Variants in PCDHGB6 observed in about 807,000 individuals in gnomAD.
PCDHGB6 encodes the protein protocadherin gamma-B6.
A neutral mutation model predicts 59.1 loss-of-function variants in PCDHGB6; 51 were observed. That is an observed-to-expected ratio of 0.86 (90% CI 0.69 to 1.09). The LOEUF is 1.09. PCDHGB6 is among the 50% of genes least tolerant of loss of function. PCDHGB6 has a pLI of 0.00. For synonymous variants in PCDHGB6, 466 were observed against 495.1 expected (o/e 0.94, Z 0.78); for missense variants, 1,148 against 1,205.1 (o/e 0.95, Z 0.70).
chr5:141,418,477 C>G (rs2154547707), intron 1 of PCDHGB6: 1 of 1,614,016 alleles, frequency 6.2e-7, no homozygotes, highest in Non-Finnish European at 8.5e-7. Context: ...AAACGCAGAG[C>G]GCTCACCACT....
At chr5:141,422,592 C>T (rs2096658264) in intron 1 of PCDHGB6, 1 of 1,614,090 alleles carries the variant, frequency 6.2e-7, no homozygotes. Flanking sequence ...TTTTTCCTCA[C>T]TCCTCTTACT....
rs1031624761 is a variant in PCDHGB6 at position 141,433,138 on chromosome 5, G to A, written c.2418+22518G>A. The A allele has an allele frequency of 2.5e-6, 4 of 1,614,038 alleles. No individual in the cohort carries two copies. In the Admixed American group the frequency reaches 6.7e-5, roughly 27 times the overall value. On this transcript the variant is annotated intron_variant, in intron 1 of 3. Coordinates refer to ENST00000520790, the MANE Select transcript of PCDHGB6 (RefSeq NM_018926.3). ...TTGAAAAAAGCGAGCCCCTTTTGCT[G>A]TCAGGTGATTCGGTATTTTCTAAAG...
chr5:141,439,117 C>T (rs1219829519), intron 1 of PCDHGB6, among the ~76,000 whole-genome samples: 6 of 150,696 alleles, frequency 4.0e-5, no homozygotes, highest in African/African-American at 7.3e-5. Context: ...CACTTGAACC[C>T]GGGAGACAGA....
intron 1 of PCDHGB6, among the ~76,000 whole-genome samples, chr5:141,425,769 A>C (rs1355689852): frequency 6.6e-6 from 1 of 152,256 alleles, no homozygotes; most frequent in Non-Finnish European, 1.5e-5. Flanking sequence ...ACAGGAGAGA[A>C]GACTTTGCCT....
At chr5:141,415,560 GT>G in intron 1 of PCDHGB6, 1 of 1,613,936 alleles carries the variant, frequency 6.2e-7, no homozygotes, top group Non-Finnish European at 8.5e-7. Flanking sequence ...ACGATCCTTT[GT>G]CTTTGTTAGA....
chr5:141,449,588 CAA>C (rs768743917), intron 1 of PCDHGB6, among the ~76,000 whole-genome samples: 5 of 57,502 alleles, frequency 8.7e-5, no homozygotes, highest in Admixed American at 1.8e-4. Flanking sequence ...GACTCTGTCT[CAA>C]AAAAAAAAAA....
chr5:141,422,253 T>C (rs917280432), intron 1 of PCDHGB6: 58 of 1,566,438 alleles, frequency 3.7e-5, no homozygotes, highest in Non-Finnish European at 5.0e-5. Context: ...TGGATGTGAA[T>C]GATAACGCTC....
chr5:141,448,145 A>G (rs2098568457), intron 1 of PCDHGB6, among the ~76,000 whole-genome samples: 1 of 151,716 alleles, frequency 6.6e-6, no homozygotes, highest in South Asian at 2.1e-4. Flanking sequence ...TATACCTCAG[A>G]CTCACCCCTG....
At chr5:141,447,719 C>T (rs1333017511) in intron 1 of PCDHGB6, among the ~76,000 whole-genome samples, 2 of 152,226 alleles carry the variant, frequency 1.3e-5, no homozygotes, top group East Asian at 3.9e-4. Context: ...TACACATTTT[C>T]CAAAACTCAT....
chr5:141,487,608 G>A lies in PCDHGB6; in HGVS notation c.2419-7199G>A, dbSNP rs970411391. On this transcript the variant is annotated intron_variant, in intron 1 of 3. Coordinates refer to ENST00000520790, the MANE Select transcript of PCDHGB6 (RefSeq NM_018926.3). The surrounding 1 kb of genome is among the most constrained non-coding windows in gnomAD (Gnocchi z 5.0). ...TGCCCACCCTCTGATCTTCTCTATG[G>A]GCTAGAGGTGAGACCTTTGCAGGCT... 1 of 1,614,182 alleles carries A rather than the reference G, an allele frequency of 6.2e-7. No individual in the cohort carries two copies. Among genetic ancestry groups the A allele is most frequent in the African/African-American group, 1.3e-5 (1 of 75,050 alleles).
At chr5:141,481,747 T>A (rs1319673737) in intron 1 of PCDHGB6, among the ~76,000 whole-genome samples, 3 of 151,684 alleles carry the variant, frequency 2.0e-5, no homozygotes, top group African/African-American at 7.3e-5. Flanking sequence ...AGGTCAGGAG[T>A]CCAAGACCAG....
rs2099619316 is a variant in PCDHGB6, at chr5:141,485,794, C to A, written c.2419-9013C>A. The A allele has an allele frequency of 6.2e-7, 1 of 1,614,120 alleles. No homozygotes were observed. The highest frequency in any genetic ancestry group is 1.1e-5 in the South Asian group (1 of 91,092). On this transcript the variant is annotated intron_variant, in intron 1 of 3. Transcript: ENST00000520790. This position sits in a 1 kb window ranked among gnomAD's most constrained non-coding sequence, Gnocchi z 5.7. ...CTTTGGATCGAGAGAAGCAATCGGA[C>A]TACCGCCTGGTGCTGACTGCTGTCG...
At position 141,487,769 on chromosome 5, in the gene PCDHGB6, T is replaced by C. The variant is rs775270506; in HGVS notation, c.2419-7038T>C. Reference sequence around the variant, plus strand: ...TAACTATGTGGTAGACGCTGTGCTTTGTAACTGTTTCGTGAATTAACCAGA... The same window carrying C: ...TAACTATGTGGTAGACGCTGTGCTTCGTAACTGTTTCGTGAATTAACCAGA... On this transcript the variant is annotated intron_variant, in intron 1 of 3. Transcript: ENST00000520790. The surrounding 1 kb of genome is among the most constrained non-coding windows in gnomAD (Gnocchi z 5.0). 8 of 1,538,288 alleles carry C rather than the reference T, an allele frequency of 5.2e-6. No homozygotes were observed. The highest frequency in any genetic ancestry group is 1.2e-5 in the South Asian group (1 of 82,608).
intron 1 of PCDHGB6, chr5:141,422,945 C>T (rs13188215): frequency 6.2e-7 from 1 of 1,614,134 alleles, no homozygotes; most frequent in Non-Finnish European, 8.5e-7. Context: ...ACAGACGGCT[C>T]CACTGGCGTG....
At chr5:141,478,478 A>T (rs764926007) in intron 1 of PCDHGB6, 2 of 1,613,740 alleles carry the variant, frequency 1.2e-6, no homozygotes, top group East Asian at 4.5e-5. Flanking sequence ...CCGCCAGAAC[A>T]CGCTGCGGAG....
At position 141,410,320 on chromosome 5, in the gene PCDHGB6, C is replaced by A. The variant is rs752279818; in HGVS notation, c.2118C>A (p.Ala706=). ...LALISVLFLL[A]VILAIALRLR... ...TAATCTCAGTGCTCTTCCTCCTCGCCGTGATTCTGGCCATTGCCTTGCGCC... is the reference window on the plus strand; with the variant it reads ...TAATCTCAGTGCTCTTCCTCCTCGCAGTGATTCTGGCCATTGCCTTGCGCC... The change falls in exon 1 of 4, where the codon GCC becomes GCA. Residue 706 remains alanine, a synonymous_variant. Transcript: ENST00000520790. 6.2e-7 allele frequency: 1 copy of A among 1,613,998 alleles called. No homozygotes were observed. The highest frequency in any genetic ancestry group is 8.5e-7 in the Non-Finnish European group (1 of 1,179,892).
Position 141,409,639 on chromosome 5 carries a change from G to T in PCDHGB6, c.1437G>T (p.Pro479=), listed in dbSNP as rs948112966. 1.2e-6 allele frequency: 2 copies of T among 1,613,760 alleles called. No homozygotes were observed. Among genetic ancestry groups the T allele is most frequent in the African/African-American group, 1.3e-5 (1 of 75,060 alleles). Residue 479 remains proline, a synonymous_variant, in exon 1 of 4, where the codon CCG becomes CCT. Coordinates refer to ENST00000520790, the MANE Select transcript of PCDHGB6 (RefSeq NM_018926.3). Reference sequence around the variant, plus strand: ...TTGCGCAAGTGAGCGCCTCTGACCCGGATTTGGGGCTCAATGGCCACATCT... The same window carrying T: ...TTGCGCAAGTGAGCGCCTCTGACCCTGATTTGGGGCTCAATGGCCACATCT... ...ASIAQVSASD[P]DLGLNGHISY... is the part of the protein sequence containing the mutation.
chr5:141,490,941 A>G lies in PCDHGB6; in HGVS notation c.2419-3866A>G. The G allele has an allele frequency of 6.2e-7, 1 of 1,613,628 alleles. No homozygotes were observed. The highest frequency in any genetic ancestry group is 8.5e-7 in the Non-Finnish European group (1 of 1,179,772). On this transcript the variant is annotated intron_variant, in intron 1 of 3. Coordinates refer to ENST00000520790, the MANE Select transcript of PCDHGB6 (RefSeq NM_018926.3). The surrounding 1 kb of genome is among the most constrained non-coding windows in gnomAD (Gnocchi z 5.4). ...ATAATGCCCCAGCTGTGCTGCACCC[A>G]CGGCCAGACTGGGAACACTCAGCCC... is the stretch of plus-strand genomic sequence containing the variant.
chr5:141,433,299 T>G, intron 1 of PCDHGB6: 1 of 995,012 alleles, frequency 1.0e-6, no homozygotes, highest in Non-Finnish European at 1.5e-6. Flanking sequence ...GCTCAAGCAA[T>G]TATCCCACCT....
Sources: gnomAD v4.1 joint callset for allele counts (sites outside exome capture counted in the v4.1 genomes callset) on GRCh38, gnomAD v4.1.1 for gene constraint, Gnocchi (gnomAD v3.1) non-coding constraint, MANE v1.5 for transcripts, NCBI Gene and HGNC (gene_info 2026-07-23, HGNC 2026-07-21) for gene names.